Variants in SLC25A48 observed in about 807,000 individuals in gnomAD.
SLC25A48 encodes solute carrier family 25 member 48.
A neutral mutation model predicts 32.2 loss-of-function variants in SLC25A48; 29 were observed. The observed-to-expected ratio is 0.90, with a 90% confidence interval of 0.67 to 1.23. The LOEUF (loss-of-function observed/expected upper bound fraction) is 1.23. Among genes scored for constraint, SLC25A48 ranks in the 50% most tolerant of loss-of-function variants. SLC25A48 has a pLI of 0.00. For synonymous variants in SLC25A48, 164 were observed against 172.3 expected, an observed-to-expected ratio of 0.95 and a Z score of 0.38; for missense variants, 399 against 422.7, an observed-to-expected ratio of 0.94 and a Z score of 0.49.
intron 1 of SLC25A48, among the ~76,000 whole-genome samples, chr5:135,598,792 G>A (rs1387535349): frequency 2.6e-5 from 4 of 152,042 alleles, no homozygotes; most frequent in Non-Finnish European, 5.9e-5. Flanking sequence ...TTAAAATTAG[G>A]CTCTGTACAT....
At chr5:135,700,961 A>G (rs1398449464) in intron 3 of SLC25A48, among the ~76,000 whole-genome samples, 1 of 151,666 alleles carries the variant, frequency 6.6e-6, no homozygotes, top group African/African-American at 2.4e-5. Context: ...GGGGGAGCTC[A>G]CTTTCCTGCC....
chr5:135,623,749 C>G (rs1237211984), intron 1 of SLC25A48, among the ~76,000 whole-genome samples: 1 of 152,210 alleles, frequency 6.6e-6, no homozygotes, highest in East Asian at 1.9e-4. Context: ...TGATTGTGGC[C>G]TTTCTGTTCT....
chr5:135,742,262 G>T (rs539488498), intron 3 of SLC25A48, among the ~76,000 whole-genome samples: 1 of 152,246 alleles, frequency 6.6e-6, no homozygotes, highest in South Asian at 2.1e-4. Context: ...TGTATTTTTA[G>T]TAGAGACAGG....
At chr5:135,639,363 T>C (rs960562030) in intron 3 of SLC25A48, among the ~76,000 whole-genome samples, 9 of 152,226 alleles carry the variant, frequency 5.9e-5, no homozygotes, top group African/African-American at 2.2e-4. Flanking sequence ...ATCACCAGCT[T>C]TTTTGAAAAA....
At chr5:135,610,681 C>T (rs541999311) in intron 1 of SLC25A48, among the ~76,000 whole-genome samples, 1 of 152,326 alleles carries the variant, frequency 6.6e-6, no homozygotes, top group African/African-American at 2.4e-5. Context: ...CTTCCAAAAG[C>T]ATGATTATGT....
At chr5:135,739,708 C>T (rs1267753602) in intron 3 of SLC25A48, among the ~76,000 whole-genome samples, 3 of 152,174 alleles carry the variant, frequency 2.0e-5, no homozygotes, top group African/African-American at 7.2e-5. Flanking sequence ...TGTGTTGACA[C>T]TTTGCAAATA....
At chr5:135,772,854 A>G (rs1756449203) in intron 3 of SLC25A48, among the ~76,000 whole-genome samples, 1 of 151,544 alleles carries the variant, frequency 6.6e-6, no homozygotes, top group African/African-American at 2.4e-5. Flanking sequence ...AAAAAAGAGG[A>G]TAATATTACT....
intron 3 of SLC25A48, among the ~76,000 whole-genome samples, chr5:135,766,240 G>A (rs1420389914): frequency 2.0e-5 from 3 of 151,470 alleles, no homozygotes; most frequent in Non-Finnish European, 4.4e-5. Flanking sequence ...TATCGCGGTG[G>A]GTGTACATCC....
intron 3 of SLC25A48, among the ~76,000 whole-genome samples, chr5:135,644,615 T>C (rs1374566308): frequency 6.6e-6 from 1 of 152,112 alleles, no homozygotes; most frequent in Non-Finnish European, 1.5e-5. Flanking sequence ...AAACTGAAGC[T>C]CGGAGAGGTT....
chr5:135,587,879 G>A (rs1293519329), intron 1 of SLC25A48, among the ~76,000 whole-genome samples: 4 of 152,208 alleles, frequency 2.6e-5, no homozygotes, highest in Non-Finnish European at 5.9e-5. Flanking sequence ...CATAAATCCT[G>A]GAAGTGCAAA....
At chr5:135,598,329 A>G (rs1190012309) in intron 1 of SLC25A48, among the ~76,000 whole-genome samples, 1 of 152,166 alleles carries the variant, frequency 6.6e-6, no homozygotes, top group East Asian at 1.9e-4. Context: ...ATTTAACAGC[A>G]TCATCATTTC....
intron 3 of SLC25A48, among the ~76,000 whole-genome samples, chr5:135,760,453 A>C (rs544913134): frequency 1.3e-5 from 2 of 152,170 alleles, no homozygotes; most frequent in African/African-American, 4.8e-5. Context: ...CCCCAAACTG[A>C]TGCCAGTTAC....
At chr5:135,886,637 A>ATATATATATATATATAT in intron 7 of SLC25A48, among the ~76,000 whole-genome samples, 1 of 38,598 alleles carries the variant, frequency 2.6e-5, no homozygotes, top group South Asian at 8.6e-4. Flanking sequence ...ATATATATAT[A>ATATATATATATATATAT]AAATATATAT....
chr5:135,826,620 C>T (rs550331682), intron 4 of SLC25A48: 2 of 152,214 alleles, frequency 1.3e-5, no homozygotes, highest in African/African-American at 2.4e-5. Context: ...ATTTATTAAG[C>T]ATTTACTTTG....
intron 1 of SLC25A48, among the ~76,000 whole-genome samples, chr5:135,623,654 C>T (rs1024086611): frequency 6.6e-6 from 1 of 152,166 alleles, no homozygotes; most frequent in Non-Finnish European, 1.5e-5. Flanking sequence ...CCTTAAAGGG[C>T]CATGTGAGGC....
chr5:135,779,751 C>T (rs1480048169), intron 3 of SLC25A48, among the ~76,000 whole-genome samples: 3 of 117,450 alleles, frequency 2.6e-5, no homozygotes, highest in South Asian at 3.0e-4. Flanking sequence ...GGGTTCTACA[C>T]CCCCTTTGTA....
intron 3 of SLC25A48, among the ~76,000 whole-genome samples, chr5:135,710,629 G>A (rs889764994): frequency 6.6e-6 from 1 of 152,198 alleles, no homozygotes; most frequent in South Asian, 2.1e-4. Context: ...ATTAATGAAT[G>A]CATTGCAGTA....
intron 3 of SLC25A48, among the ~76,000 whole-genome samples, chr5:135,790,036 A>G (rs11242286): frequency 0.67 from 102,131 of 151,796 alleles, 36,802 homozygotes; most frequent in Non-Finnish European, 0.81. Flanking sequence ...TAACATCTCA[A>G]TAGGATATTA....
At chr5:135,748,082 A>G (rs901150842) in intron 3 of SLC25A48, among the ~76,000 whole-genome samples, 1 of 152,232 alleles carries the variant, frequency 6.6e-6, no homozygotes, top group African/African-American at 2.4e-5. Context: ...GTGATGGGCC[A>G]TCAGCAAAGG....
Sources: allele counts gnomAD v4.1 joint callset (sites outside exome capture counted in the v4.1 genomes callset), GRCh38; gene constraint gnomAD v4.1.1; transcripts MANE v1.5; gene names NCBI Gene and HGNC (gene_info 2026-07-23, HGNC 2026-07-21).